PITPNM3: variants seen among roughly 807,000 people sequenced by gnomAD.
The protein encoded by PITPNM3 is membrane-associated phosphatidylinositol transfer protein 3.
A neutral mutation model predicts 102.0 loss-of-function variants in PITPNM3; 26 were observed. The ratio of observed to expected loss-of-function variants is 0.25; its 90% CI spans 0.19 to 0.35. The LOEUF (loss-of-function observed/expected upper bound fraction) is 0.35, where lower values mean the gene tolerates loss of function less well. Ranked by LOEUF, PITPNM3 falls within the 10% of genes least tolerant of loss-of-function variation. PITPNM3 has a pLI of 1.00. For synonymous variants in PITPNM3, 578 were observed against 558.6 expected, an observed-to-expected ratio of 1.03 and a Z score of -0.49; for missense variants, 1,083 against 1,346.1, an observed-to-expected ratio of 0.80 and a Z score of 3.06.
At chr17:6,494,559 A>G (rs1906686952) in intron 4 of PITPNM3, among the ~76,000 whole-genome samples, 1 of 152,254 alleles carries the variant, frequency 6.6e-6, no homozygotes, top group African/African-American at 2.4e-5. Context: ...ACACATAGGA[A>G]AAAGGTGCTC....
intron 3 of PITPNM3, among the ~76,000 whole-genome samples, chr17:6,506,688 C>T (rs956713777): frequency 6.6e-6 from 1 of 152,144 alleles, no homozygotes; most frequent in Non-Finnish European, 1.5e-5. Context: ...CTATTTGCTA[C>T]TGTATTTCCT....
chr17:6,546,789 G>A (rs1173455932), intron 1 of PITPNM3, among the ~76,000 whole-genome samples: 1 of 152,180 alleles, frequency 6.6e-6, no homozygotes, highest in South Asian at 2.1e-4. Context: ...TGGATCACCT[G>A]AAATCAGGAG....
intron 4 of PITPNM3, among the ~76,000 whole-genome samples, chr17:6,491,296 C>G (rs1347404795): frequency 6.6e-6 from 1 of 152,176 alleles, no homozygotes; most frequent in East Asian, 1.9e-4. Context: ...AAGAAACTAT[C>G]TAAGGAACCC....
chr17:6,525,830 C>T (rs1908801560), intron 2 of PITPNM3, among the ~76,000 whole-genome samples: 1 of 152,230 alleles, frequency 6.6e-6, no homozygotes, highest in Admixed American at 6.5e-5. Context: ...AAATTACTGA[C>T]TTCTCTGACC....
intron 19 of PITPNM3, among the ~76,000 whole-genome samples, chr17:6,456,855 T>C (rs1318336464): frequency 1.3e-5 from 2 of 152,166 alleles, no homozygotes. Flanking sequence ...CCTGCACATC[T>C]GATCTGGGCA....
At chr17:6,460,908 G>T in intron 18 of PITPNM3, 2 of 259,560 alleles carry the variant, frequency 7.7e-6, no homozygotes, top group South Asian at 9.4e-5. Context: ...CACTTCTCCC[G>T]AGTTTCCGAG....
intron 4 of PITPNM3, 152 bp from the exon 5 acceptor site, chr17:6,484,444 C>T (rs187422088): frequency 1.3e-6 from 1 of 768,916 alleles, no homozygotes; most frequent in East Asian, 2.6e-5. Flanking sequence ...TCACCCCATC[C>T]AGGCCCTGCC....
chr17:6,552,164 AGAG>A (rs1346169606), intron 1 of PITPNM3, among the ~76,000 whole-genome samples: 5 of 152,156 alleles, frequency 3.3e-5, no homozygotes, highest in Admixed American at 6.5e-5. Context: ...CTAACACCTG[AGAG>A]GAGAATAAAC....
chr17:6,541,828 G>A (rs1287220756), intron 1 of PITPNM3, among the ~76,000 whole-genome samples: 1 of 152,142 alleles, frequency 6.6e-6, no homozygotes, highest in Non-Finnish European at 1.5e-5. Flanking sequence ...CACAGAAGAG[G>A]GCCAGGAAGT....
intron 1 of PITPNM3, among the ~76,000 whole-genome samples, chr17:6,553,422 G>T (rs1007936677): frequency 9.9e-5 from 15 of 152,176 alleles, no homozygotes; most frequent in African/African-American, 3.4e-4. Context: ...TCCTGGCAGT[G>T]TAAGAGTCCT....
rs1914175964 is a variant in PITPNM3 at position 6,457,845 on chromosome 17, G to A, written c.2491-123C>T. On this transcript the variant is annotated intron_variant, in intron 18 of 19. Transcript: ENST00000262483. The surrounding 1 kb of genome is among the most constrained non-coding windows in gnomAD (Gnocchi z 4.7). ...TTATGTGCACTCTGGTAGACTCCAAGCCATGGGGCCACCCTGTGTCAGGAA... is the reference window on the plus strand; with the variant it reads ...TTATGTGCACTCTGGTAGACTCCAAACCATGGGGCCACCCTGTGTCAGGAA... The A allele has an allele frequency of 7.4e-7, 1 of 1,347,070 alleles. No homozygotes were observed. Among genetic ancestry groups the A allele is most frequent in the African/African-American group, 1.4e-5 (1 of 69,010 alleles). The allele number at this position is 1,347,070 out of a possible 1,614,324, so 83.4% of individuals were successfully genotyped here. A position where few individuals can be genotyped will look rare whatever the true frequency, so the allele number is the denominator to read the frequency against.
At chr17:6,455,909 G>A (rs1914096067) in intron 19 of PITPNM3, among the ~76,000 whole-genome samples, 1 of 151,690 alleles carries the variant, frequency 6.6e-6, no homozygotes, top group Admixed American at 6.6e-5. Flanking sequence ...TGGGGAAGTC[G>A]GGAGCTCTTT....
In PITPNM3 at chr17:6,470,617, C is replaced by G. The variant is rs772542567; in HGVS notation, c.1625-209G>C. On this transcript the variant is annotated intron_variant, in intron 12 of 19. Transcript: ENST00000262483. The surrounding 1 kb of genome is among the most constrained non-coding windows in gnomAD (Gnocchi z 4.8). Reference sequence around the variant, plus strand: ...CCCACCAGCCCTCCCCTAAGATGTGCGTGCCAAGCCCATGCCCAGGAAGGA... The same window carrying G: ...CCCACCAGCCCTCCCCTAAGATGTGGGTGCCAAGCCCATGCCCAGGAAGGA... 6.6e-6 allele frequency among the ~76,000 whole-genome samples: 1 copy of G among 152,154 alleles called. No homozygotes were observed. The highest frequency in any genetic ancestry group is 1.5e-5 in the Non-Finnish European group (1 of 68,024).
intron 1 of PITPNM3, among the ~76,000 whole-genome samples, chr17:6,555,552 C>T (rs1268257019): frequency 2.0e-5 from 3 of 152,204 alleles, no homozygotes; most frequent in Admixed American, 1.3e-4. Context: ...GTCCTCCACC[C>T]GCCTCCCAAG....
In PITPNM3 at chr17:6,455,634, C is replaced by G; in HGVS notation, c.2629G>C (p.Glu877Gln). 2 of 1,474,472 alleles carry G rather than the reference C, an allele frequency of 1.4e-6. No individual in the cohort carries two copies. The highest frequency in any genetic ancestry group is 4.3e-5 in the African/African-American group (2 of 46,048). The allele number at this position is 1,474,472 out of a possible 1,614,324, so 91.3% of individuals were successfully genotyped here. A position where few individuals can be genotyped will look rare whatever the true frequency, so the allele number is the denominator to read the frequency against. The change falls in exon 20 of 20, where the codon GAG becomes CAG. Residue 877 changes from glutamate to glutamine, a missense_variant. Physicochemically the swap from Glu to Gln is conservative, Grantham distance 29 (BLOSUM62 2). Transcript: ENST00000262483. ...KYQTQCQFLS[E>Q]GYAAHLAALE... Reference sequence around the variant, plus strand: ...GCGGCCAGGTGTGCGGCGTAGCCCTCGCTCAGGAACTGCGGAGGGCAGGGG... The same window carrying G: ...GCGGCCAGGTGTGCGGCGTAGCCCTGGCTCAGGAACTGCGGAGGGCAGGGG...
chr17:6,528,624 T>A (rs375334637), intron 2 of PITPNM3, among the ~76,000 whole-genome samples: 28 of 152,220 alleles, frequency 1.8e-4, no homozygotes, highest in African/African-American at 6.7e-4. Flanking sequence ...CTGCTCCCTC[T>A]CACTCTCTGC....
intron 2 of PITPNM3, among the ~76,000 whole-genome samples, chr17:6,532,105 TA>T (rs780964428): frequency 6.0e-3 from 814 of 135,136 alleles, no homozygotes; most frequent in Admixed American, 6.6e-3. Flanking sequence ...AAACTCCGTC[TA>T]AAAAAAAAAA....
rs183616665 is a variant in PITPNM3, at chr17:6,483,766, C to T, written c.352-14G>A. 78 of 1,608,502 alleles carry T rather than the reference C, an allele frequency of 4.8e-5. 2 individuals are homozygous for T. The South Asian group carries it at 5.8e-4, about 12-fold the overall frequency. On this transcript the variant is annotated splice_polypyrimidine_tract_variant and intron_variant, in intron 5 of 19. Coordinates refer to ENST00000262483, the MANE Select transcript of PITPNM3 (RefSeq NM_031220.4). Reference sequence around the variant, plus strand: ...CGGGCAGCCTTCCTGAGAGCCAAGGCGGTTGGAATACAGAGAGAGAGGCGG... The same window carrying T: ...CGGGCAGCCTTCCTGAGAGCCAAGGTGGTTGGAATACAGAGAGAGAGGCGG...
At chr17:6,532,250 G>A (rs1210479683) in intron 2 of PITPNM3, among the ~76,000 whole-genome samples, 1 of 152,084 alleles carries the variant, frequency 6.6e-6, no homozygotes, top group Non-Finnish European at 1.5e-5. Context: ...CACACCCCAG[G>A]GACCCTCTAG....
Sources: gnomAD v4.1 joint callset for allele counts (sites outside exome capture counted in the v4.1 genomes callset) on GRCh38, gnomAD v4.1.1 for gene constraint, Gnocchi (gnomAD v3.1) non-coding constraint, MANE v1.5 for transcripts, NCBI Gene and HGNC (gene_info 2026-07-23, HGNC 2026-07-21) for gene names.